The following MKNK1 variants were observed in gnomAD, a reference collection of about 807,000 sequenced individuals.
The protein encoded by MKNK1 is MAP kinase-interacting serine/threonine-protein kinase 1.
Under a neutral mutation model 49.3 loss-of-function variants are expected in MKNK1, and 30 were observed. The ratio of observed to expected loss-of-function variants is 0.61; its 90% CI spans 0.46 to 0.83. The LOEUF is 0.83. Among genes scored for constraint, MKNK1 ranks in the 40% least tolerant of loss-of-function variants. The pLI is 0.00. For missense variants in MKNK1, 423 were observed against 524.7 expected, an observed-to-expected ratio of 0.81 and a Z score of 1.89; for synonymous variants, 176 against 201.7, an observed-to-expected ratio of 0.87 and a Z score of 1.08.
intron 11 of MKNK1, 120 bp downstream of exon 11, chr1:46,561,358 G>T: frequency 8.8e-7 from 1 of 1,141,428 alleles, no homozygotes; most frequent in Non-Finnish European, 1.2e-6. Context: ...GATAGACGCT[G>T]TCCTCTTCAG....
In MKNK1 at chr1:46,563,250, G is replaced by A. The variant is rs192137959; in HGVS notation, c.610-407C>T. On this transcript the variant is annotated intron_variant, in intron 9 of 12. Coordinates refer to ENST00000371945, the MANE Select transcript of MKNK1 (RefSeq NM_001135553.4). ...AAGATTTCTTAAAGTGAATCCTGTC[G>A]TGCTCCCCTGCTAGCTCAGAGCAGG... Among the ~76,000 whole-genome samples, 14 of 152,290 alleles carry A rather than the reference G, an allele frequency of 9.2e-5. No individual in the cohort carries two copies. In the East Asian group the frequency reaches 2.5e-3, roughly 27 times the overall value.
chr1:46,575,017 G>T lies in MKNK1; in HGVS notation c.282C>A (p.Asn94Lys). ...CAAAGAACTCAATCAGCTCCAAAAT[G>T]TTCCTTAAATAGGGAAAATAGGAGG... ...ETLYQCQGNK[N>K]ILELIEFFED... Residue 94 changes from asparagine (N) to lysine (K), a missense_variant, in exon 6 of 13, where the codon AAC (asparagine) becomes AAA (lysine). By Grantham distance (94) the Asn-to-Lys change is moderately conservative (BLOSUM62 0). Coordinates refer to ENST00000371945, the MANE Select transcript of MKNK1 (RefSeq NM_001135553.4). 1 of 1,608,980 alleles carries T rather than the reference G, an allele frequency of 6.2e-7. No individual in the cohort carries two copies. Among genetic ancestry groups the T allele is most frequent in the South Asian group, 1.1e-5 (1 of 90,544 alleles).
intron 2 of MKNK1, among the ~76,000 whole-genome samples, chr1:46,586,968 C>T (rs975039641): frequency 1.3e-5 from 2 of 152,148 alleles, no homozygotes; most frequent in Non-Finnish European, 2.9e-5. Context: ...CCACCATGTC[C>T]GGCTAATTTT....
chr1:46,591,134 A>G (rs1453297254), intron 2 of MKNK1, among the ~76,000 whole-genome samples: 1 of 152,206 alleles, frequency 6.6e-6, no homozygotes, highest in African/African-American at 2.4e-5. Flanking sequence ...GGTACACTCA[A>G]ACAGACACTA....
At chr1:46,593,855 G>GAAAAA (rs61626573) in intron 2 of MKNK1, 7 of 128,196 alleles carry the variant, frequency 5.5e-5, no homozygotes, top group East Asian at 2.0e-4. Context: ...GACTCTATCT[G>GAAAAA]AAAAAAAAAA....
At chr1:46,603,066 G>A (rs1312128018) in intron 1 of MKNK1, among the ~76,000 whole-genome samples, 1 of 152,194 alleles carries the variant, frequency 6.6e-6, no homozygotes, top group Non-Finnish European at 1.5e-5. Flanking sequence ...AGAGAGAGAA[G>A]TGTTGAGGTG....
intron 2 of MKNK1, chr1:46,585,475 GTCTC>G (rs1288823522): frequency 5.5e-6 from 1 of 180,770 alleles, no homozygotes; most frequent in Non-Finnish European, 1.2e-5. Context: ...AGGAACCATT[GTCTC>G]TCTCTCTTGC....
At chr1:46,580,162 A>G (rs1671523895) in intron 4 of MKNK1, among the ~76,000 whole-genome samples, 1 of 152,240 alleles carries the variant, frequency 6.6e-6, no homozygotes, top group Non-Finnish European at 1.5e-5. Context: ...ATAGATATTC[A>G]GGTAGGCCTT....
intron 3 of MKNK1, among the ~76,000 whole-genome samples, chr1:46,581,394 C>A (rs1300120847): frequency 6.6e-6 from 1 of 151,402 alleles, no homozygotes; most frequent in East Asian, 1.9e-4. Flanking sequence ...CCTAAAGTCC[C>A]AGCTATTTCG....
At chr1:46,578,283 C>T (rs1469910575) in intron 4 of MKNK1, among the ~76,000 whole-genome samples, 1 of 152,106 alleles carries the variant, frequency 6.6e-6, no homozygotes, top group Non-Finnish European at 1.5e-5. Context: ...AGCTGGGTGC[C>T]TATAGGAAAA....
intron 1 of MKNK1, among the ~76,000 whole-genome samples, chr1:46,597,574 C>A (rs79822368): frequency 0.023 from 3,544 of 152,302 alleles, 126 homozygotes; most frequent in African/African-American, 0.08. Context: ...CCTGCAGTCT[C>A]GTCAAAAGGG....
intron 7 of MKNK1, 121 bp downstream of exon 7, chr1:46,571,942 C>T: frequency 3.5e-6 from 3 of 848,264 alleles, no homozygotes; most frequent in East Asian, 2.7e-5. Context: ...CATGTTCACA[C>T]CTCAAGCTGC....
chr1:46,601,813 G>A (rs1674764069), intron 1 of MKNK1, among the ~76,000 whole-genome samples: 1 of 152,178 alleles, frequency 6.6e-6, no homozygotes, highest in Admixed American at 6.5e-5. Flanking sequence ...CTATGTGCTG[G>A]CCCTATGCTG....
intron 2 of MKNK1, among the ~76,000 whole-genome samples, chr1:46,588,075 C>T (rs542191025): frequency 2.0e-5 from 3 of 152,314 alleles, no homozygotes; most frequent in African/African-American, 4.8e-5. Flanking sequence ...GAAAGAAGCT[C>T]AGAGCAGGCA....
Position 46,583,304 on chromosome 1 carries a change from G to T in MKNK1, c.24C>A (p.Pro8=). 1.9e-6 allele frequency: 3 copies of T among 1,613,928 alleles called. No individual in the cohort carries two copies. The highest frequency in any genetic ancestry group is 2.5e-6 in the Non-Finnish European group (3 of 1,179,916). MGSSEPL[P]IADGDRRRKK... Reference sequence around the variant, plus strand: ...TCCTCCTCCTGTCACCATCTGCGATGGGAAGGGGTTCGCTACTGCCCATCT... The same window carrying T: ...TCCTCCTCCTGTCACCATCTGCGATTGGAAGGGGTTCGCTACTGCCCATCT... The change falls in exon 3 of 13, where the codon CCC becomes CCA. Residue 8 remains proline (P), a synonymous_variant. Coordinates refer to ENST00000371945, the MANE Select transcript of MKNK1 (RefSeq NM_001135553.4).
In MKNK1 at chr1:46,558,256, T is replaced by TGA. The variant is rs1387133432; in HGVS notation, c.*317_*318dup. The TGA allele has an allele frequency of 6.3e-5, 19 of 301,702 alleles. No individual in the cohort carries two copies. In the Admixed American group the frequency reaches 8.9e-4, roughly 14 times the overall value. 18.7% of individuals were successfully genotyped at this position (301,702 alleles called of 1,614,324 possible). A position where few individuals can be genotyped will look rare whatever the true frequency, so the allele number is the denominator to read the frequency against. On this transcript the variant is annotated 3_prime_UTR_variant, in exon 13 of 13. Coordinates refer to ENST00000371945, the MANE Select transcript of MKNK1 (RefSeq NM_001135553.4). ...GCCCCAGCCGCCACAGCTACAGCGG[T>TGA]GAGAGCAGGCTGGATCCCAGATCTG...
At chr1:46,588,491 A>ATGTTATTTT (rs780867498) in intron 2 of MKNK1, among the ~76,000 whole-genome samples, 11 of 152,304 alleles carry the variant, frequency 7.2e-5, no homozygotes, top group Middle Eastern at 3.4e-3. Context: ...AAAACAACCA[A>ATGTTATTTT]TGTTATTTTT....
chr1:46,578,491 C>A (rs1274077399), intron 4 of MKNK1, among the ~76,000 whole-genome samples: 3 of 152,080 alleles, frequency 2.0e-5, no homozygotes, highest in Non-Finnish European at 4.4e-5. Context: ...CATTATCCAA[C>A]CTTGAAGAAA....
intron 4 of MKNK1, among the ~76,000 whole-genome samples, chr1:46,576,880 C>G (rs1433702099): frequency 6.6e-6 from 1 of 152,200 alleles, no homozygotes; most frequent in Admixed American, 6.5e-5. Flanking sequence ...TGGCCAAGCA[C>G]AACACCAAGG....
Sources: gnomAD v4.1 joint callset for allele counts (sites outside exome capture counted in the v4.1 genomes callset) on GRCh38, gnomAD v4.1.1 for gene constraint, MANE v1.5 for transcripts, NCBI Gene and HGNC (gene_info 2026-07-23, HGNC 2026-07-21) for gene names.